MSH3: variants seen among roughly 807,000 people sequenced by gnomAD.
MSH3 encodes mutS homolog 3.
A neutral mutation model predicts 123.3 loss-of-function variants in MSH3; 106 were observed. The ratio of observed to expected loss-of-function variants is 0.86; its 90% CI spans 0.73 to 1.01. MSH3 has a LOEUF of 1.01. Ranked by LOEUF, MSH3 falls within the 50% of genes least tolerant of loss-of-function variation. MSH3 has a pLI of 0.00. For synonymous variants in MSH3, 515 were observed against 481.4 expected (o/e 1.07, Z -0.91); for missense variants, 1,459 against 1,347.6 (o/e 1.08, Z -1.29).
intron 16 of MSH3, among the ~76,000 whole-genome samples, chr5:80,777,449 G>A (rs935078450): frequency 1.3e-5 from 2 of 152,138 alleles, no homozygotes; most frequent in Non-Finnish European, 2.9e-5. Context: ...CAAAAACCAT[G>A]TTAGTCTATC....
intron 6 of MSH3, among the ~76,000 whole-genome samples, chr5:80,673,389 C>T (rs903287191): frequency 6.6e-6 from 1 of 152,114 alleles, no homozygotes; most frequent in African/African-American, 2.4e-5. Flanking sequence ...ATTAGCTGGG[C>T]ATGTTGGCAC....
chr5:80,814,642 C>T (rs1745071187), intron 20 of MSH3, among the ~76,000 whole-genome samples: 1 of 152,228 alleles, frequency 6.6e-6, no homozygotes, highest in Non-Finnish European at 1.5e-5. Flanking sequence ...TCTGCTCTGT[C>T]TTCTGGGGTA....
intron 11 of MSH3, among the ~76,000 whole-genome samples, chr5:80,742,103 A>G (rs968915817): frequency 6.6e-6 from 1 of 151,638 alleles, no homozygotes; most frequent in African/African-American, 2.4e-5. Flanking sequence ...TCTGCCTCCC[A>G]GGTTCAAGCA....
In MSH3 at chr5:80,761,561, G is replaced by T. The variant is rs2112879857; in HGVS notation, c.1779G>T (p.Arg593=). The T allele has an allele frequency of 6.2e-7, 1 of 1,614,022 alleles. No homozygotes were observed. Among genetic ancestry groups the T allele is most frequent in the Non-Finnish European group, 8.5e-7 (1 of 1,179,956 alleles). Reference sequence around the variant, plus strand: ...TTTCTCACAGGGAAATAAATGCCCGGCTTGATGCTGTATCGGAAGTTCTCC... The same window carrying T: ...TTTCTCACAGGGAAATAAATGCCCGTCTTGATGCTGTATCGGAAGTTCTCC... ...PLLKLREINA[R]LDAVSEVLHS... Residue 593 remains arginine, a synonymous_variant, in exon 13 of 24, where the codon CGG becomes CGT. Coordinates refer to ENST00000265081, the MANE Select transcript of MSH3 (RefSeq NM_002439.5).
chr5:80,662,405 G>GAGTA (rs60488810), intron 2 of MSH3, among the ~76,000 whole-genome samples: 40,571 of 151,858 alleles, frequency 0.27, 5,606 homozygotes, highest in Middle Eastern at 0.35. Flanking sequence ...TTTAGGCAGT[G>GAGTA]AGTATTTATT....
At chr5:80,807,378 T>C (rs1263886829) in intron 19 of MSH3, among the ~76,000 whole-genome samples, 1 of 152,050 alleles carries the variant, frequency 6.6e-6, no homozygotes, top group Non-Finnish European at 1.5e-5. Context: ...ATATTAAACA[T>C]TGAAAAAAGT....
intron 8 of MSH3, among the ~76,000 whole-genome samples, chr5:80,711,255 C>T (rs1173140165): frequency 6.6e-6 from 1 of 152,192 alleles, no homozygotes; most frequent in Non-Finnish European, 1.5e-5. Context: ...AATTCTCAAT[C>T]CTCCCTTGCT....
intron 8 of MSH3, among the ~76,000 whole-genome samples, chr5:80,699,005 G>A (rs1561448072): frequency 6.6e-6 from 1 of 152,160 alleles, no homozygotes. Flanking sequence ...AAACGGTGGA[G>A]TGAGAAAGCG....
chr5:80,865,352 A>G (rs1323418944), intron 22 of MSH3, among the ~76,000 whole-genome samples: 1 of 152,138 alleles, frequency 6.6e-6, no homozygotes, highest in Admixed American at 6.5e-5. Flanking sequence ...TAACTTACTA[A>G]GGGCCATATA....
At chr5:80,778,464 A>G (rs549332100) in intron 16 of MSH3, among the ~76,000 whole-genome samples, 1 of 152,292 alleles carries the variant, frequency 6.6e-6, no homozygotes, top group South Asian at 2.1e-4. Context: ...CTTTCTGCCT[A>G]TGAAATAAAA....
intron 20 of MSH3, among the ~76,000 whole-genome samples, chr5:80,852,729 C>CT (rs1330364828): frequency 6.6e-6 from 1 of 152,228 alleles, no homozygotes; most frequent in Non-Finnish European, 1.5e-5. Context: ...TTCTAAGGCT[C>CT]TGCCCATGTG....
intron 17 of MSH3, among the ~76,000 whole-genome samples, chr5:80,787,169 T>G (rs974202303): frequency 1.3e-5 from 2 of 152,144 alleles, no homozygotes; most frequent in Admixed American, 6.6e-5. Flanking sequence ...TATTCCGGAT[T>G]TGGAGGATGC....
rs564776209 is a variant in MSH3, at chr5:80,795,066, G to A, written c.2655+2222G>A. On this transcript the variant is annotated intron_variant, in intron 19 of 23. Transcript: ENST00000265081. ...CTGAGGACAGTGAAAGAATTGAGATGTAGGGGAGCATTTGGAATGTAGATC... is the reference window on the plus strand; with the variant it reads ...CTGAGGACAGTGAAAGAATTGAGATATAGGGGAGCATTTGGAATGTAGATC... Among the ~76,000 whole-genome samples, 3 of 152,318 alleles carry A rather than the reference G, an allele frequency of 2.0e-5. No individual in the cohort carries two copies. The East Asian group carries it at 5.8e-4, about 29-fold the overall frequency.
intron 11 of MSH3, among the ~76,000 whole-genome samples, chr5:80,743,017 T>A (rs1262426268): frequency 5.3e-5 from 8 of 152,156 alleles, no homozygotes; most frequent in Non-Finnish European, 1.2e-4. Context: ...AAGCTGAGAT[T>A]AACATCTTCT....
chr5:80,656,556 C>T lies in MSH3; in HGVS notation c.358+25C>T, dbSNP rs370308894. 1.2e-4 allele frequency: 191 copies of T among 1,613,668 alleles called. No individual in the cohort carries two copies. The African/African-American group carries it at 2.4e-3, about 20-fold the overall frequency. ...GGTGAGTTGTGGGGGATTCTTTTTT[C>T]TCCTCAGTCATGGCTCTGGTATTCT... On this transcript the variant is annotated intron_variant, in intron 2 of 23. Transcript: ENST00000265081.
At chr5:80,765,008 G>T (rs1580030964) in intron 13 of MSH3, among the ~76,000 whole-genome samples, 1 of 152,280 alleles carries the variant, frequency 6.6e-6, no homozygotes, top group East Asian at 1.9e-4. Flanking sequence ...TGAGACAGCT[G>T]CTGCCAGAAG....
chr5:80,866,266 G>A (rs2112120139), intron 22 of MSH3, among the ~76,000 whole-genome samples: 1 of 152,212 alleles, frequency 6.6e-6, no homozygotes, highest in Admixed American at 6.5e-5. Flanking sequence ...AGCCTCCCCG[G>A]TAGCTGGGAC....
rs943003142 is a variant in MSH3 at position 80,772,505 on chromosome 5, A to G, written c.2254-3189A>G. Among the ~76,000 whole-genome samples, 11 of 152,210 alleles carry G rather than the reference A, an allele frequency of 7.2e-5. No homozygotes were observed. In the East Asian group the frequency reaches 1.5e-3, roughly 21 times the overall value. Reference sequence around the variant, plus strand: ...GAATAACAATATCTGGCATTTAACTAAGACAGAATTGGGTCCCAGGAGAAG... The same window carrying G: ...GAATAACAATATCTGGCATTTAACTGAGACAGAATTGGGTCCCAGGAGAAG... On this transcript the variant is annotated intron_variant, in intron 15 of 23. Coordinates refer to ENST00000265081, the MANE Select transcript of MSH3 (RefSeq NM_002439.5).
intron 12 of MSH3, among the ~76,000 whole-genome samples, chr5:80,756,043 A>G (rs1406683416): frequency 1.3e-5 from 2 of 152,228 alleles, no homozygotes; most frequent in South Asian, 4.1e-4. Context: ...AATACAAAAT[A>G]GAATAAAAAA....
Sources: allele counts gnomAD v4.1 joint callset (sites outside exome capture counted in the v4.1 genomes callset), GRCh38; gene constraint gnomAD v4.1.1; transcripts MANE v1.5; gene names NCBI Gene and HGNC (gene_info 2026-07-23, HGNC 2026-07-21).